PIK3R2: variants seen among roughly 807,000 people sequenced by gnomAD.
PIK3R2 encodes phosphoinositide-3-kinase regulatory subunit 2, also known as phosphatidylinositol 3-kinase regulatory subunit beta.
PIK3R2 carries 40 observed loss-of-function variants against 78.5 expected under a neutral mutation model. The ratio of observed to expected loss-of-function variants is 0.51; its 90% confidence interval spans 0.40 to 0.66. PIK3R2 has a LOEUF of 0.66. PIK3R2 is among the 30% of genes least tolerant of loss of function. PIK3R2 has a pLI of 0.00. For synonymous variants in PIK3R2, 473 were observed against 457.7 expected, an observed-to-expected ratio of 1.03 and a Z score of -0.43; for missense variants, 880 against 1,026.6, an observed-to-expected ratio of 0.86 and a Z score of 1.95.
Position 18,161,117 on chromosome 19 carries a change from T to C in PIK3R2, c.530T>C (p.Phe177Ser). 6.3e-7 allele frequency: 1 copy of C among 1,587,856 alleles called. No homozygotes were observed. ...GCCCTGGCTGACGGCATTAAGAGCT[T>C]CCTGCTGGCACTGCCCGCGCCGCTC... Reference protein sequence around the residue: ...TAALADGIKSFLLALPAPLVT... With the variant: ...TAALADGIKSSLLALPAPLVT... Residue 177 changes from phenylalanine (F) to serine (S), a missense_variant, in exon 5 of 16, where the codon TTC (phenylalanine) becomes TCC (serine). By Grantham distance (155) the Phe-to-Ser change is radical (BLOSUM62 -2). This residue lies in a region of PIK3R2 where 456 missense variants were observed against 486.6 expected (regional missense o/e 0.94). Coordinates refer to ENST00000222254, the MANE Select transcript of PIK3R2 (RefSeq NM_005027.4). This position sits in a 1 kb window ranked among gnomAD's most constrained non-coding sequence, Gnocchi z 5.3.
At position 18,162,440 on chromosome 19, in the gene PIK3R2, C is replaced by A; in HGVS notation, c.1043C>A (p.Pro348His). 6.2e-7 allele frequency: 1 copy of A among 1,613,564 alleles called. No homozygotes were observed. The highest frequency in any genetic ancestry group is 1.3e-5 in the African/African-American group (1 of 75,036). Residue 348 changes from proline (P) to histidine (H), a missense_variant, in exon 9 of 16, where the codon CCC becomes CAC. Transcript: ENST00000222254. Reference protein sequence around the residue: ...EEVNEKLRDTPDGTFLVRDAS... With the variant: ...EEVNEKLRDTHDGTFLVRDAS... ...GTGAACGAGAAACTCCGGGACACTC[C>A]CGATGGCACCTTCCTAGTCCGAGAT...
chr19:18,165,991 T>G, intron 11 of PIK3R2, 169 bp from the exon 12 acceptor site: 1 of 851,452 alleles, frequency 1.2e-6, no homozygotes, highest in Non-Finnish European at 2.0e-6. Flanking sequence ...GGGTGGGGTT[T>G]TGAAGGCTGA....
chr19:18,160,849 C>G (rs2043734062), intron 3 of PIK3R2, 70 bp from the exon 4 acceptor site: 1 of 1,533,750 alleles, frequency 6.5e-7, no homozygotes, highest in South Asian at 1.2e-5. Flanking sequence ...GGGGGTTGAG[C>G]GGCCAGTCCA....
intron 3 of PIK3R2, 87 bp from the exon 4 acceptor site, chr19:18,160,832 A>G (rs2043733888): frequency 7.3e-7 from 1 of 1,377,900 alleles, no homozygotes; most frequent in Admixed American, 2.0e-5. Flanking sequence ...GCAAAGGGAG[A>G]CTGCAGGGGG....
chr19:18,163,367 A>G lies in PIK3R2; in HGVS notation c.1395A>G (p.Glu465=). The G allele has an allele frequency of 1.9e-6, 3 of 1,614,050 alleles. No homozygotes were observed. Among genetic ancestry groups the G allele is most frequent in the Non-Finnish European group, 2.5e-6 (3 of 1,180,002 alleles). ...DKSREYDQLY[E]EYTRTSQELQ... ...GCCGCGAGTATGACCAGCTTTATGAAGAGTACACACGGACCTCCCAGGTAC... is the reference window on the plus strand; with the variant it reads ...GCCGCGAGTATGACCAGCTTTATGAGGAGTACACACGGACCTCCCAGGTAC... The change falls in exon 11 of 16, where the codon GAA becomes GAG. Residue 465 remains glutamate (E), a synonymous_variant. Transcript: ENST00000222254.
At chr19:18,155,172 G>A (rs1017143802) in intron 1 of PIK3R2, among the ~76,000 whole-genome samples, 2 of 149,046 alleles carry the variant, frequency 1.3e-5, no homozygotes, top group African/African-American at 5.0e-5. Context: ...ACTCCAGCCT[G>A]GGTGACAGAG....
intron 1 of PIK3R2, among the ~76,000 whole-genome samples, chr19:18,153,529 T>G (rs777433875): frequency 1.3e-5 from 2 of 152,012 alleles, no homozygotes; most frequent in Admixed American, 1.3e-4. Context: ...GCGTCCAAGA[T>G]ACCGGACTGG....
At position 18,169,245 on chromosome 19, in the gene PIK3R2, C is replaced by G; in HGVS notation, c.2138C>G (p.Ala713Gly). 2 of 1,583,204 alleles carry G rather than the reference C, an allele frequency of 1.3e-6. No individual in the cohort carries two copies. The highest frequency in any genetic ancestry group is 1.7e-6 in the Non-Finnish European group (2 of 1,172,132). ...QHNDALTVTLAHPVRAPGPGP... is the reference protein window; with the variant it reads ...QHNDALTVTLGHPVRAPGPGP... ...AACGACGCGCTCACCGTCACCCTGG[C>G]GCACCCAGTGCGCGCCCCGGGCCCC... Residue 713 changes from alanine to glycine, a missense_variant, in exon 16 of 16, where the codon GCG (alanine) becomes GGG (glycine). Ala to Gly is a moderately conservative substitution (Grantham distance 60, BLOSUM62 0). Around this residue, in one of 3 missense-constraint regions of PIK3R2, gnomAD observed 268 missense variants for 299.1 expected, o/e 0.90. Coordinates refer to ENST00000222254, the MANE Select transcript of PIK3R2 (RefSeq NM_005027.4).
At chr19:18,162,904 G>T in intron 9 of PIK3R2, 63 bp from the exon 10 acceptor site, 6 of 1,469,416 alleles carry the variant, frequency 4.1e-6, no homozygotes, top group Non-Finnish European at 5.6e-6. Context: ...AAAAAAAAGG[G>T]GACAGGGATT....
intron 11 of PIK3R2, among the ~76,000 whole-genome samples, chr19:18,164,564 A>G (rs778099611): frequency 3.3e-5 from 5 of 151,946 alleles, no homozygotes; most frequent in Non-Finnish European, 5.9e-5. Flanking sequence ...GAGGGAATAG[A>G]TTCAGGTGGA....
Position 18,168,634 on chromosome 19 carries a change from C to A in PIK3R2, c.1808+88C>A, listed in dbSNP as rs2043832829. Reference sequence around the variant, plus strand: ...GTTTCGAAGAATGAGTAGGAGTTCACCAGGGAGGAAAAGTTGTCCAGGCAG... The same window carrying A: ...GTTTCGAAGAATGAGTAGGAGTTCAACAGGGAGGAAAAGTTGTCCAGGCAG... On this transcript the variant is annotated intron_variant, in intron 14 of 15. Transcript: ENST00000222254. This position sits in a 1 kb window ranked among gnomAD's most constrained non-coding sequence, Gnocchi z 4.1. 9.0e-7 allele frequency: 1 copy of A among 1,113,596 alleles called. No homozygotes were observed. The highest frequency in any genetic ancestry group is 1.4e-6 in the Non-Finnish European group (1 of 729,278). The allele number at this position is 1,113,596 out of a possible 1,614,324, so 69.0% of individuals were successfully genotyped here.
At chr19:18,157,304 C>T (rs1445222730) in intron 2 of PIK3R2, among the ~76,000 whole-genome samples, 1 of 152,206 alleles carries the variant, frequency 6.6e-6, no homozygotes, top group Non-Finnish European at 1.5e-5. Flanking sequence ...CAGAATCTGC[C>T]TCTCCCCCTG....
At chr19:18,153,852 CG>C (rs1447443056) in intron 1 of PIK3R2, among the ~76,000 whole-genome samples, 5 of 152,018 alleles carry the variant, frequency 3.3e-5, no homozygotes, top group African/African-American at 1.2e-4. Flanking sequence ...CAGATCCAGG[CG>C]GTTTTCTGGG....
In PIK3R2 at chr19:18,162,294, TG is replaced by T. The variant is rs2147951931; in HGVS notation, c.1000del (p.Asp334ThrfsTer7). 2 of 1,607,870 alleles carry T rather than the reference TG, an allele frequency of 1.2e-6. No homozygotes were observed. Among genetic ancestry groups the T allele is most frequent in the Non-Finnish European group, 1.7e-6 (2 of 1,175,132 alleles). ...CTCCCTGCAGGATGCTGAGTGGTAC[TG>T]GGGGGACATTTCAAGGTAGGTTGCT... ...PPSLQDAEWY[W>X]GDISREEVNE... On this transcript the variant is annotated frameshift_variant, in exon 8 of 16. Coordinates refer to ENST00000222254, the MANE Select transcript of PIK3R2 (RefSeq NM_005027.4). LOFTEE classifies it high-confidence loss of function.
intron 3 of PIK3R2, 77 bp downstream of exon 3, chr19:18,160,640 G>C (rs2043732186): frequency 8.6e-7 from 1 of 1,164,266 alleles, no homozygotes; most frequent in African/African-American, 1.5e-5. Flanking sequence ...CTCTCACAGG[G>C]CCTCCAAGCT....
Position 18,156,474 on chromosome 19 carries a change from T to C in PIK3R2, c.322+273T>C, listed in dbSNP as rs2043680749. 6.6e-6 allele frequency among the ~76,000 whole-genome samples: 1 copy of C among 151,602 alleles called. No homozygotes were observed. On this transcript the variant is annotated intron_variant, in intron 2 of 15. Transcript: ENST00000222254. This position sits in a 1 kb window ranked among gnomAD's most constrained non-coding sequence, Gnocchi z 4.2. ...CGTGGGAAGATGCGAGGGTGGAAGCTCAAGGCAGTGGGGGCAGCGAGGGCA... is the reference window on the plus strand; with the variant it reads ...CGTGGGAAGATGCGAGGGTGGAAGCCCAAGGCAGTGGGGGCAGCGAGGGCA...
In PIK3R2 at chr19:18,168,971, C is replaced by T. The variant is rs1268332722; in HGVS notation, c.1979+75C>T. ...ATTGAATGCCTGCCGCGTGCCAGGC[C>T]TTGGGAAGGAGTCCCTGGTGGGGTC... On this transcript the variant is annotated intron_variant, in intron 15 of 15. Coordinates refer to ENST00000222254, the MANE Select transcript of PIK3R2 (RefSeq NM_005027.4). This position sits in a 1 kb window ranked among gnomAD's most constrained non-coding sequence, Gnocchi z 4.1. 1.3e-6 allele frequency: 2 copies of T among 1,559,350 alleles called. No homozygotes were observed. The highest frequency in any genetic ancestry group is 3.5e-5 in the Admixed American group (2 of 56,988).
Position 18,161,389 on chromosome 19 carries a change from C to A in PIK3R2, c.709C>A (p.Pro237Thr), listed in dbSNP as rs1345318734. ...QHLGRVASRA[P>T]ALGPAVRALG... Reference sequence around the variant, plus strand: ...CCTGGGCCGCGTGGCCAGCCGCGCCCCGGCCCTGGGTCCCGCGGTCCGGGC... The same window carrying A: ...CCTGGGCCGCGTGGCCAGCCGCGCCACGGCCCTGGGTCCCGCGGTCCGGGC... Residue 237 changes from proline (P) to threonine (T), a missense_variant, in exon 6 of 16, where the codon CCG becomes ACG. This residue lies in a region of PIK3R2 where 456 missense variants were observed against 486.6 expected (regional missense o/e 0.94). Coordinates refer to ENST00000222254, the MANE Select transcript of PIK3R2 (RefSeq NM_005027.4). The surrounding 1 kb of genome is among the most constrained non-coding windows in gnomAD (Gnocchi z 5.3). The A allele has an allele frequency of 8.1e-7, 1 of 1,234,682 alleles. No individual in the cohort carries two copies. The highest frequency in any genetic ancestry group is 1.0e-6 in the Non-Finnish European group (1 of 989,908). The allele number at this position is 1,234,682 out of a possible 1,614,324, so 76.5% of individuals were successfully genotyped here.
intron 12 of PIK3R2, 75 bp downstream of exon 12, chr19:18,166,377 G>A (rs939653215): frequency 1.5e-6 from 2 of 1,329,480 alleles, no homozygotes; most frequent in Admixed American, 3.8e-5. Flanking sequence ...GAAGGAAGCA[G>A]AAGGAGGCCA....
Sources: gnomAD v4.1 joint callset for allele counts (sites outside exome capture counted in the v4.1 genomes callset) on GRCh38, gnomAD v4.1.1 for gene constraint, gnomAD v4.1.1 regional missense constraint, Gnocchi (gnomAD v3.1) non-coding constraint, MANE v1.5 for transcripts, NCBI Gene and HGNC (gene_info 2026-07-23, HGNC 2026-07-21) for gene names.